ARHGAP29: variants seen among roughly 807,000 people sequenced by gnomAD.
The protein encoded by ARHGAP29 is rho GTPase-activating protein 29.
In ARHGAP29, 43 loss-of-function variants were observed where a neutral mutation model predicts 122.6. The observed-to-expected ratio is 0.35, with a 90% CI of 0.27 to 0.45. The LOEUF is 0.45. Ranked by LOEUF, ARHGAP29 falls within the 20% of genes least tolerant of loss-of-function variation. The pLI, the probability that ARHGAP29 is intolerant of heterozygous loss-of-function variation, is 1.00. For synonymous variants in ARHGAP29, 506 were observed against 497.1 expected (o/e 1.02, Z -0.24); for missense variants, 1,303 against 1,477.2 (o/e 0.88, Z 1.93).
chr1:94,313,975 G>A, the ARHGAP29 span, among the ~76,000 whole-genome samples: 1 of 152,138 alleles, frequency 6.6e-6, no homozygotes, highest in Non-Finnish European at 1.5e-5. Context: ...GGGCCTGTCG[G>A]GGGGTGGGGA....
At position 94,173,248 on chromosome 1, in the gene ARHGAP29, C is replaced by G. The variant is rs901251482; in HGVS notation, c.*621G>C. 1.3e-5 allele frequency: 2 copies of G among 152,574 alleles called. No individual in the cohort carries two copies. Among genetic ancestry groups the G allele is most frequent in the Non-Finnish European group, 2.9e-5 (2 of 68,026 alleles). The allele number at this position is 152,574 out of a possible 1,614,324, so 9.5% of individuals were successfully genotyped here. A position where few individuals can be genotyped will look rare whatever the true frequency, so the allele number is the denominator to read the frequency against. ...TACAACTGACTATCACATGTAAAAACTGGCAATTAATTAAAATGCAATTAA... is the reference window on the plus strand; with the variant it reads ...TACAACTGACTATCACATGTAAAAAGTGGCAATTAATTAAAATGCAATTAA... On this transcript the variant is annotated 3_prime_UTR_variant, in exon 23 of 23. Coordinates refer to ENST00000260526, the MANE Select transcript of ARHGAP29 (RefSeq NM_004815.4).
intron 19 of ARHGAP29, among the ~76,000 whole-genome samples, chr1:94,181,356 G>T (rs1370273291): frequency 6.6e-6 from 1 of 152,116 alleles, no homozygotes; most frequent in Non-Finnish European, 1.5e-5. Context: ...TCTTCTCCGG[G>T]CAGTATAAAA....
chr1:94,225,927 G>A (rs575478708), intron 2 of ARHGAP29, among the ~76,000 whole-genome samples: 7 of 151,838 alleles, frequency 4.6e-5, no homozygotes, highest in African/African-American at 1.2e-4. Flanking sequence ...TTGTTTCACC[G>A]ATCTAAGCCA....
Position 94,255,606 on chromosome 1 carries a change from A to G in ARHGAP29, c.-33+19406T>C, listed in dbSNP as rs925448407. Among the ~76,000 whole-genome samples, 22 of 152,178 alleles carry G rather than the reference A, an allele frequency of 1.4e-4. 1 individual carries two copies. The highest frequency in any genetic ancestry group is 1.0e-3 in the South Asian group (5 of 4,832). ...AGTGCGGCATTTCTTCCTAATATTC[A>G]CAAGTCACACAATGAGTCAATATCA... On this transcript the variant is annotated intron_variant and NMD_transcript_variant, in intron 1 of 25. Coordinates refer to the ARHGAP29 transcript ENST00000552844.
intron 1 of ARHGAP29, among the ~76,000 whole-genome samples, chr1:94,253,687 C>T (rs1654213849): frequency 6.6e-6 from 1 of 152,072 alleles, no homozygotes; most frequent in South Asian, 2.1e-4. Flanking sequence ...CACATTAAGG[C>T]TTTTCTCTAA....
chr1:94,178,005 G>A lies in ARHGAP29; in HGVS notation c.2643C>T (p.Tyr881=). The change falls in exon 21 of 23, where the codon TAC becomes TAT. Residue 881 remains tyrosine (Y), a synonymous_variant. Coordinates refer to ENST00000260526, the MANE Select transcript of ARHGAP29 (RefSeq NM_004815.4). The part of the protein sequence containing the change: ...QARLVEFLIT[Y]SQKIFDGSLQ... ...GGGACCCATCGAAGATCTTCTGTGA[G>A]TAAGTAATGAGAAACTCTACCAAGC... The A allele has an allele frequency of 6.2e-6, 10 of 1,614,174 alleles. No individual in the cohort carries two copies. The highest frequency in any genetic ancestry group is 1.3e-5 in the African/African-American group (1 of 75,052).
chr1:94,304,520 C>G, the ARHGAP29 span, among the ~76,000 whole-genome samples: 1 of 152,212 alleles, frequency 6.6e-6, no homozygotes. Context: ...CAGGTCATTT[C>G]CTCCTCTTCA....
the ARHGAP29 span, among the ~76,000 whole-genome samples, chr1:94,300,036 A>C: frequency 4.6e-5 from 7 of 152,208 alleles, no homozygotes. Flanking sequence ...TGAAACATGC[A>C]CATATGCCAG....
chr1:94,286,933 A>AACACTATCAACCTGGAGATAGCATTACG, the ARHGAP29 span, among the ~76,000 whole-genome samples: 1 of 152,176 alleles, frequency 6.6e-6, no homozygotes, highest in Non-Finnish European at 1.5e-5. Context: ...ATTCAATTCC[A>AACACTATCAACCTGGAGATAGCATTACG]ACACTATCAA....
the ARHGAP29 span, among the ~76,000 whole-genome samples, chr1:94,293,932 G>A: frequency 1.3e-5 from 2 of 152,138 alleles, no homozygotes; most frequent in African/African-American, 4.8e-5. Flanking sequence ...TAGAAGGTTA[G>A]GCTGAATGTC....
At chr1:94,297,587 G>T in the ARHGAP29 span, among the ~76,000 whole-genome samples, 1 of 152,188 alleles carries the variant, frequency 6.6e-6, no homozygotes. Flanking sequence ...TGGGGACAAA[G>T]GGGATCTTCC....
chr1:94,289,909 G>A, the ARHGAP29 span, among the ~76,000 whole-genome samples: 18 of 152,146 alleles, frequency 1.2e-4, no homozygotes, highest in Admixed American at 2.0e-4. Context: ...TTTTATTGAG[G>A]ATTTTTGCAT....
upstream of ARHGAP29, among the ~76,000 whole-genome samples, chr1:94,240,040 G>A (rs1653517587): frequency 6.6e-6 from 1 of 152,170 alleles, no homozygotes; most frequent in South Asian, 2.1e-4. Context: ...GCCAAGGAGA[G>A]TGGGGTTGGA....
chr1:94,253,733 C>T (rs1293501790), intron 1 of ARHGAP29, among the ~76,000 whole-genome samples: 2 of 152,104 alleles, frequency 1.3e-5, no homozygotes, highest in Admixed American at 6.5e-5. Context: ...AGGAGTAGAG[C>T]CCAATGGAAA....
At chr1:94,192,929 A>C (rs1341886611) in intron 12 of ARHGAP29, 2 of 152,164 alleles carry the variant, frequency 1.3e-5, no homozygotes, top group Admixed American at 1.3e-4. Flanking sequence ...AAGAACCAGG[A>C]AAATCTCAAC....
chr1:94,194,840 T>C (rs541947262), intron 12 of ARHGAP29: 1 of 152,372 alleles, frequency 6.6e-6, no homozygotes, highest in East Asian at 1.9e-4. Context: ...CAAAAACCAT[T>C]ATGTTTTGAT....
At chr1:94,219,415 AT>A (rs2101578956) in intron 3 of ARHGAP29, among the ~76,000 whole-genome samples, 1 of 152,202 alleles carries the variant, frequency 6.6e-6, no homozygotes, top group Non-Finnish European at 1.5e-5. Flanking sequence ...TACATCAACA[AT>A]TCCCAAGTCC....
chr1:94,289,360 A>G, the ARHGAP29 span, among the ~76,000 whole-genome samples: 1 of 152,218 alleles, frequency 6.6e-6, no homozygotes, highest in African/African-American at 2.4e-5. Flanking sequence ...ACTTTGCTGA[A>G]GTTGCTTATC....
chr1:94,293,378 A>G, the ARHGAP29 span, among the ~76,000 whole-genome samples: 327 of 152,348 alleles, frequency 2.1e-3, no homozygotes, highest in Non-Finnish European at 3.5e-3. Context: ...CTTCAGGTAC[A>G]GTCCACTCAC....
Sources: allele counts gnomAD v4.1 joint callset (sites outside exome capture counted in the v4.1 genomes callset), GRCh38; gene constraint gnomAD v4.1.1; transcripts MANE v1.5; gene names NCBI Gene and HGNC (gene_info 2026-07-23, HGNC 2026-07-21).